The following NTRK3 variants were observed in gnomAD, a reference collection of about 807,000 sequenced individuals.
NTRK3 encodes the protein neurotrophic receptor tyrosine kinase 3.
NTRK3 carries 24 observed loss-of-function variants against 91.7 expected under a neutral mutation model. The observed-to-expected ratio is 0.26, with a 90% CI of 0.19 to 0.37. NTRK3 has a LOEUF of 0.37. Ranked by LOEUF, NTRK3 falls within the 10% of genes least tolerant of loss-of-function variation. The probability of loss-of-function intolerance (pLI) is 1.00; values close to 1 mark genes in which losing one functional copy is unlikely to be tolerated. For missense variants in NTRK3, 880 were observed against 1,068.9 expected (o/e 0.82, Z 2.46); for synonymous variants, 483 against 404.0 (o/e 1.20, Z -2.34).
intron 15 of NTRK3, among the ~76,000 whole-genome samples, chr15:87,935,085 G>C (rs1010194296): frequency 1.3e-5 from 2 of 152,166 alleles, no homozygotes; most frequent in Non-Finnish European, 2.9e-5. Context: ...AACAGCTTGA[G>C]TCTGGAGCCC....
chr15:88,203,849 TA>T (rs922338199), intron 3 of NTRK3, among the ~76,000 whole-genome samples: 46 of 152,126 alleles, frequency 3.0e-4, no homozygotes, highest in African/African-American at 1.0e-3. Flanking sequence ...ATAATTTTTT[TA>T]AAAAAAAGCA....
chr15:88,066,673 G>A (rs546964586), intron 13 of NTRK3, among the ~76,000 whole-genome samples: 10 of 152,178 alleles, frequency 6.6e-5, no homozygotes, highest in Middle Eastern at 6.8e-3. Flanking sequence ...TCCATCACCC[G>A]CCCTGAGGAC....
At chr15:88,002,279 C>T (rs2076165230) in intron 14 of NTRK3, among the ~76,000 whole-genome samples, 2 of 144,252 alleles carry the variant, frequency 1.4e-5, no homozygotes, top group African/African-American at 5.2e-5. Context: ...CACAGGAGAA[C>T]TGTACCATCA....
chr15:88,079,579 C>T (rs1300697568), intron 13 of NTRK3, among the ~76,000 whole-genome samples: 1 of 152,132 alleles, frequency 6.6e-6, no homozygotes, highest in Non-Finnish European at 1.5e-5. Flanking sequence ...TGATTAGTGG[C>T]AAGAGAATTC....
Position 88,201,476 on chromosome 15 carries a change from G to T in NTRK3, c.249-17177C>A, listed in dbSNP as rs118109881. On this transcript the variant is annotated intron_variant, in intron 3 of 18. Transcript: ENST00000394480. ...AGGACTTGCATCTGAATTCTATAAT[G>T]GTAATAAACTTCACAGTAGTCTTCA... Among the ~76,000 whole-genome samples, 366 of 152,236 alleles carry T rather than the reference G, an allele frequency of 2.4e-3. 1 individual carries two copies. The highest frequency in any genetic ancestry group is 4.6e-3 in the Non-Finnish European group (310 of 68,010).
At chr15:88,124,518 C>T (rs2151090690) in intron 13 of NTRK3, among the ~76,000 whole-genome samples, 1 of 152,322 alleles carries the variant, frequency 6.6e-6, no homozygotes, top group South Asian at 2.1e-4. Flanking sequence ...CAACAATGCC[C>T]CATTCTTCCC....
At chr15:87,983,645 G>A (rs577710102) in intron 14 of NTRK3, among the ~76,000 whole-genome samples, 1 of 152,280 alleles carries the variant, frequency 6.6e-6, no homozygotes, top group East Asian at 1.9e-4. Context: ...AGTTCACTTT[G>A]TGGCAAAGTC....
At chr15:88,150,833 C>T (rs1567534241) in intron 5 of NTRK3, among the ~76,000 whole-genome samples, 1 of 152,188 alleles carries the variant, frequency 6.6e-6, no homozygotes, top group East Asian at 1.9e-4. Context: ...CCACCCTGCC[C>T]TCACCGGCAT....
intron 6 of NTRK3, among the ~76,000 whole-genome samples, 175 bp from the exon 7 acceptor site, chr15:88,137,736 AAAC>A (rs2042010287): frequency 6.6e-6 from 1 of 152,212 alleles, no homozygotes; most frequent in Non-Finnish European, 1.5e-5. Flanking sequence ...TGCAGTTTTA[AAAC>A]AATAAACTCA....
chr15:87,862,383 GT>G, exon 19 of NTRK3: 1 of 226,522 alleles, frequency 4.4e-6, no homozygotes. Flanking sequence ...TGTTATGGAT[GT>G]TATGATAAGC....
intron 3 of NTRK3, among the ~76,000 whole-genome samples, chr15:88,227,085 G>A (rs146619321): frequency 3.2e-4 from 48 of 152,242 alleles, no homozygotes; most frequent in Admixed American, 1.0e-3. Flanking sequence ...AGAGATGAAC[G>A]ATGGTGCCCC....
intron 17 of NTRK3, among the ~76,000 whole-genome samples, chr15:87,891,915 G>A (rs1387524221): frequency 6.6e-6 from 1 of 152,176 alleles, no homozygotes; most frequent in Admixed American, 6.5e-5. Context: ...GTCCATGCAA[G>A]AGGTTTCAAA....
chr15:88,084,950 G>A (rs1397118133), intron 13 of NTRK3, among the ~76,000 whole-genome samples: 3 of 152,190 alleles, frequency 2.0e-5, no homozygotes, highest in Admixed American at 1.3e-4. Context: ...ATCTGCATGT[G>A]CTGCACAGCT....
chr15:87,966,520 G>C (rs1030244805), intron 14 of NTRK3, among the ~76,000 whole-genome samples: 3 of 152,160 alleles, frequency 2.0e-5, no homozygotes, highest in Admixed American at 2.0e-4. Context: ...CACTGAGCCT[G>C]CAACTCCATC....
rs920814943 is a variant in NTRK3, at chr15:88,048,309, T to C, written c.1397-15264A>G. Among the ~76,000 whole-genome samples the C allele has an allele frequency of 5.9e-5, 9 of 152,250 alleles. No individual in the cohort carries two copies. The East Asian group carries it at 1.5e-3, about 26-fold the overall frequency. ...TGTCAGTATCAATTTCATAACGTTA[T>C]TGGATGAAGGCAAGGCTGGGCAAAG... is the stretch of plus-strand genomic sequence containing the variant. On this transcript the variant is annotated intron_variant, in intron 13 of 18. Transcript: ENST00000394480.
At chr15:87,954,622 A>T (rs879428195) in intron 14 of NTRK3, among the ~76,000 whole-genome samples, 1 of 152,244 alleles carries the variant, frequency 6.6e-6, no homozygotes, top group Non-Finnish European at 1.5e-5. Flanking sequence ...AACAGAGCAA[A>T]ACCACTTGAT....
intron 3 of NTRK3, among the ~76,000 whole-genome samples, chr15:88,213,367 T>C (rs2049431657): frequency 6.6e-6 from 1 of 152,116 alleles, no homozygotes; most frequent in Non-Finnish European, 1.5e-5. Flanking sequence ...CCTTGCAGCC[T>C]GAATAAAATA....
At chr15:88,120,127 A>G (rs1055912378) in intron 13 of NTRK3, among the ~76,000 whole-genome samples, 1 of 152,192 alleles carries the variant, frequency 6.6e-6, no homozygotes, top group African/African-American at 2.4e-5. Flanking sequence ...GAAGGCAGAA[A>G]TGACTCCTTC....
intron 3 of NTRK3, among the ~76,000 whole-genome samples, chr15:88,202,623 C>A (rs1402387551): frequency 6.6e-6 from 1 of 152,182 alleles, no homozygotes; most frequent in African/African-American, 2.4e-5. Flanking sequence ...CAGACCTGTT[C>A]CTGTCCTAGG....
Sources: allele counts gnomAD v4.1 joint callset (sites outside exome capture counted in the v4.1 genomes callset), GRCh38; gene constraint gnomAD v4.1.1; transcripts MANE v1.5; gene names NCBI Gene and HGNC (gene_info 2026-07-23, HGNC 2026-07-21).